The following ZDHHC21 variants were observed in gnomAD, a reference collection of about 807,000 sequenced individuals.
The protein encoded by ZDHHC21 is zDHHC palmitoyltransferase 21, also known as palmitoyltransferase ZDHHC21.
A neutral mutation model predicts 34.6 loss-of-function variants in ZDHHC21; 15 were observed. The observed-to-expected ratio is 0.43, with a 90% CI of 0.29 to 0.67. The LOEUF (loss-of-function observed/expected upper bound fraction) is 0.67, where lower values mean the gene tolerates loss of function less well. ZDHHC21 is among the 30% of genes least tolerant of loss of function. ZDHHC21 has a pLI of 0.14. For missense variants in ZDHHC21, 344 were observed against 327.7 expected, an observed-to-expected ratio of 1.05 and a Z score of -0.38; for synonymous variants, 142 against 101.8, an observed-to-expected ratio of 1.40 and a Z score of -2.38.
intron 7 of ZDHHC21, among the ~76,000 whole-genome samples, chr9:14,649,781 C>T (rs1830898824): frequency 6.6e-6 from 1 of 151,928 alleles, no homozygotes; most frequent in African/African-American, 2.4e-5. Context: ...TGAAGTATTC[C>T]AGAAAAATTA....
Position 14,662,188 on chromosome 9 carries a change from T to C in ZDHHC21, c.365+27A>G, listed in dbSNP as rs776634373. ...TACATTTTATTACCCACCCCTCTTTTCTTTGCTAGAAGTGAATTATTCTTA... is the reference window on the plus strand; with the variant it reads ...TACATTTTATTACCCACCCCTCTTTCCTTTGCTAGAAGTGAATTATTCTTA... On this transcript the variant is annotated intron_variant, in intron 6 of 9. Coordinates refer to ENST00000380916, the MANE Select transcript of ZDHHC21 (RefSeq NM_178566.6). 1.1e-5 allele frequency: 17 copies of C among 1,534,770 alleles called. No individual in the cohort carries two copies. The Admixed American group carries it at 1.6e-4, about 15-fold the overall frequency.
At chr9:14,643,037 G>C (rs997882417) in intron 7 of ZDHHC21, among the ~76,000 whole-genome samples, 7 of 152,048 alleles carry the variant, frequency 4.6e-5, no homozygotes, top group South Asian at 2.1e-4. Context: ...TCAGGAGTTC[G>C]AGACTAGCCT....
intron 8 of ZDHHC21, among the ~76,000 whole-genome samples, chr9:14,623,907 T>A: frequency 6.6e-6 from 1 of 152,048 alleles, no homozygotes; most frequent in East Asian, 1.9e-4. Flanking sequence ...ACCTTTACTC[T>A]TGTTGGGGAA....
At chr9:14,652,557 A>G (rs1457023674) in intron 7 of ZDHHC21, among the ~76,000 whole-genome samples, 3 of 152,000 alleles carry the variant, frequency 2.0e-5, no homozygotes, top group Non-Finnish European at 4.4e-5. Flanking sequence ...TATAAAAAAC[A>G]ATGGGGCACT....
intron 8 of ZDHHC21, among the ~76,000 whole-genome samples, chr9:14,625,639 T>C (rs192577011): frequency 2.5e-4 from 38 of 152,144 alleles, no homozygotes; most frequent in Non-Finnish European, 2.7e-4. Context: ...TTAGTGATAC[T>C]GCCTACTACC....
chr9:14,651,597 G>A (rs1444158436), intron 7 of ZDHHC21, among the ~76,000 whole-genome samples: 1 of 151,720 alleles, frequency 6.6e-6, no homozygotes, highest in Non-Finnish European at 1.5e-5. Context: ...CACAAATCCA[G>A]AATAATATAA....
At chr9:14,658,097 T>C (rs539920713) in intron 7 of ZDHHC21, among the ~76,000 whole-genome samples, 58 of 152,190 alleles carry the variant, frequency 3.8e-4, no homozygotes, top group Non-Finnish European at 7.1e-4. Context: ...AACGTAACTA[T>C]TTGAGAACCT....
downstream of ZDHHC21, among the ~76,000 whole-genome samples, chr9:14,606,401 C>T (rs1823016494): frequency 6.6e-6 from 1 of 152,168 alleles, no homozygotes; most frequent in African/African-American, 2.4e-5. Flanking sequence ...ATGTAGAGGT[C>T]CATGTAGGTG....
intron 8 of ZDHHC21, among the ~76,000 whole-genome samples, chr9:14,622,929 G>T (rs1825554795): frequency 6.6e-6 from 1 of 152,082 alleles, no homozygotes. Context: ...TATAGGTCTT[G>T]TTGATGCTTC....
rs1048854789 is a variant in ZDHHC21, at chr9:14,617,303, C to T, written c.*1663G>A. The T allele has an allele frequency of 6.6e-6, 1 of 151,768 alleles. No homozygotes were observed. The highest frequency in any genetic ancestry group is 1.5e-5 in the Non-Finnish European group (1 of 67,850). The allele number at this position is 151,768 out of a possible 1,614,324, so 9.4% of individuals were successfully genotyped here. A position where few individuals can be genotyped will look rare whatever the true frequency, so the allele number is the denominator to read the frequency against. The stretch of plus-strand genomic sequence containing the variant: ...TATGTTCGTCTGCTGTATTTCTGTT[C>T]GTATTTCTGAGTTTGTAAGTAATAA... On this transcript the variant is annotated 3_prime_UTR_variant, in exon 10 of 10. Coordinates refer to ENST00000380916, the MANE Select transcript of ZDHHC21 (RefSeq NM_178566.6).
At chr9:14,651,733 G>A (rs569454118) in intron 7 of ZDHHC21, among the ~76,000 whole-genome samples, 6 of 151,934 alleles carry the variant, frequency 3.9e-5, no homozygotes, top group African/African-American at 1.4e-4. Context: ...TCTAGTTTTG[G>A]TAAATAACCA....
chr9:14,628,449 A>G (rs1329999138), intron 8 of ZDHHC21, among the ~76,000 whole-genome samples: 1 of 152,196 alleles, frequency 6.6e-6, no homozygotes, highest in East Asian at 1.9e-4. Context: ...TCCCAAAGAG[A>G]CAACACTTAT....
rs1439176907 is a variant in ZDHHC21, at chr9:14,613,447, G to T, written c.*5519C>A. The T allele has an allele frequency of 6.6e-6, 1 of 151,760 alleles. No homozygotes were observed. Among genetic ancestry groups the T allele is most frequent in the Non-Finnish European group, 1.5e-5 (1 of 67,804 alleles). The allele number at this position is 151,760 out of a possible 1,614,324, so 9.4% of individuals were successfully genotyped here. ...CAATGTATACTGGCAAGAATATATA[G>T]CTTGCAATACGCAGGTAAGCTTTCC... is the stretch of plus-strand genomic sequence containing the variant. On this transcript the variant is annotated 3_prime_UTR_variant, in exon 10 of 10. Transcript: ENST00000380916.
At chr9:14,654,054 C>T (rs1387834398) in intron 7 of ZDHHC21, among the ~76,000 whole-genome samples, 1 of 151,952 alleles carries the variant, frequency 6.6e-6, no homozygotes, top group Non-Finnish European at 1.5e-5. Flanking sequence ...AATTCACATT[C>T]AGTACTGAAT....
intron 8 of ZDHHC21, among the ~76,000 whole-genome samples, chr9:14,630,383 C>G (rs1371051804): frequency 1.3e-5 from 2 of 152,198 alleles, no homozygotes; most frequent in Non-Finnish European, 2.9e-5. Context: ...AATTCGGTCA[C>G]ATCTTCCACT....
chr9:14,637,763 A>C (rs1828566245), intron 8 of ZDHHC21, among the ~76,000 whole-genome samples: 1 of 152,040 alleles, frequency 6.6e-6, no homozygotes, highest in Non-Finnish European at 1.5e-5. Flanking sequence ...GAAAGAAAGA[A>C]AAAACACAAT....
rs112281610 is a variant in ZDHHC21, at chr9:14,675,364, T to C, written c.-45-979A>G. 8.5e-5 allele frequency among the ~76,000 whole-genome samples: 13 copies of C among 152,102 alleles called. No homozygotes were observed. In the East Asian group the frequency reaches 1.4e-3, roughly 16 times the overall value. On this transcript the variant is annotated intron_variant, in intron 3 of 9. Transcript: ENST00000380916. ...ATAATAAACTAGGACAACGGTTCTCTAGCCTGTAAGAAAACCAAAAACACC... is the reference window on the plus strand; with the variant it reads ...ATAATAAACTAGGACAACGGTTCTCCAGCCTGTAAGAAAACCAAAAACACC...
intron 5 of ZDHHC21, among the ~76,000 whole-genome samples, chr9:14,664,563 GACAA>G (rs1834046020): frequency 3.3e-5 from 5 of 151,328 alleles, no homozygotes; most frequent in South Asian, 2.1e-4. Flanking sequence ...GCAGGGCACA[GACAA>G]ACAAAAAGAC....
the ZDHHC21 span, among the ~76,000 whole-genome samples, chr9:14,590,663 A>C: frequency 6.6e-6 from 1 of 152,110 alleles, no homozygotes; most frequent in African/African-American, 2.4e-5. Context: ...ATGCTTCAGA[A>C]ATGAGGGTGA....
Sources: allele counts gnomAD v4.1 joint callset (sites outside exome capture counted in the v4.1 genomes callset), GRCh38; gene constraint gnomAD v4.1.1; transcripts MANE v1.5; gene names NCBI Gene and HGNC (gene_info 2026-07-23, HGNC 2026-07-21).